Variants in ATXN7L1 observed in about 807,000 individuals in gnomAD.
ATXN7L1 encodes ataxin 7 like 1.
Under a neutral mutation model 70.8 loss-of-function variants are expected in ATXN7L1, and 15 were observed. The observed-to-expected ratio is 0.21, with a 90% CI of 0.14 to 0.33. ATXN7L1 has a LOEUF of 0.33. Ranked by LOEUF, ATXN7L1 falls within the 10% of genes least tolerant of loss-of-function variation. The pLI is 1.00. For missense variants in ATXN7L1, 975 were observed against 1,097.1 expected, an observed-to-expected ratio of 0.89 and a Z score of 1.57; for synonymous variants, 440 against 445.1, an observed-to-expected ratio of 0.99 and a Z score of 0.14.
At chr7:105,789,874 A>G (rs1445704536) in intron 2 of ATXN7L1, among the ~76,000 whole-genome samples, 2 of 152,174 alleles carry the variant, frequency 1.3e-5, no homozygotes, top group East Asian at 3.8e-4. Flanking sequence ...GGATGTTCAC[A>G]GCAGCATTAC....
intron 3 of ATXN7L1, among the ~76,000 whole-genome samples, chr7:105,695,256 C>T (rs566822870): frequency 5.1e-4 from 78 of 152,334 alleles, no homozygotes; most frequent in African/African-American, 1.8e-3. Context: ...CACTGCGCTC[C>T]AGCCTGGGTG....
chr7:105,609,252 C>T (rs1406917362), intron 11 of ATXN7L1, among the ~76,000 whole-genome samples: 5 of 151,162 alleles, frequency 3.3e-5, no homozygotes, highest in Non-Finnish European at 7.4e-5. Context: ...TCACTGCAAC[C>T]TCCATCTCCC....
chr7:105,694,470 G>T (rs376303009), intron 3 of ATXN7L1, among the ~76,000 whole-genome samples: 18 of 152,182 alleles, frequency 1.2e-4, no homozygotes, highest in African/African-American at 3.9e-4. Context: ...ATTTGATCCT[G>T]TGAGGTGGGA....
chr7:105,750,759 C>A (rs4730104), intron 3 of ATXN7L1, among the ~76,000 whole-genome samples: 36,346 of 151,942 alleles, frequency 0.24, 4,769 homozygotes, highest in African/African-American at 0.33. Context: ...GCCAAGATTG[C>A]GCCATTGGAC....
intron 3 of ATXN7L1, among the ~76,000 whole-genome samples, chr7:105,739,473 C>T (rs954236983): frequency 1.2e-4 from 19 of 152,240 alleles, no homozygotes; most frequent in Non-Finnish European, 2.2e-4. Context: ...GCCAGGGCAA[C>T]CACATTTTCA....
At chr7:105,659,643 G>C (rs1801263644) in intron 4 of ATXN7L1, among the ~76,000 whole-genome samples, 3 of 152,134 alleles carry the variant, frequency 2.0e-5, no homozygotes, top group African/African-American at 7.2e-5. Flanking sequence ...ATGCTGTGGA[G>C]ACACCGGGCT....
At chr7:105,735,874 T>C (rs1427854077) in intron 3 of ATXN7L1, among the ~76,000 whole-genome samples, 1 of 152,230 alleles carries the variant, frequency 6.6e-6, no homozygotes, top group Non-Finnish European at 1.5e-5. Flanking sequence ...CAAATCTATA[T>C]TAATCAAGCC....
chr7:105,713,290 A>G (rs79743670), intron 3 of ATXN7L1, among the ~76,000 whole-genome samples: 1 of 152,214 alleles, frequency 6.6e-6, no homozygotes, highest in African/African-American at 2.4e-5. Flanking sequence ...GGGCCTGGTG[A>G]TGATGATGCA....
At chr7:105,772,018 G>A (rs1042881788) in intron 3 of ATXN7L1, among the ~76,000 whole-genome samples, 3 of 144,064 alleles carry the variant, frequency 2.1e-5, no homozygotes, top group African/African-American at 7.7e-5. Context: ...TACAATAATT[G>A]TAAATGGATA....
rs147124309 is a variant in ATXN7L1, at chr7:105,684,704, C to T, written c.356-19416G>A. ...CAAATCTACCACCTGAAAACTCGAT[C>T]GGCCTGCCATCAATGCCAATCTTCT... On this transcript the variant is annotated intron_variant, in intron 3 of 11. Coordinates refer to ENST00000419735, the MANE Select transcript of ATXN7L1 (RefSeq NM_020725.2). Among the ~76,000 whole-genome samples the T allele has an allele frequency of 4.4e-4, 67 of 152,330 alleles. 1 individual carries two copies. In the South Asian group the frequency reaches 5.4e-3, roughly 12 times the overall value.
In ATXN7L1 at chr7:105,614,129, C is replaced by T. The variant is rs1214594044; in HGVS notation, c.2205G>A (p.Ala735=). Residue 735 remains alanine (A), a synonymous_variant, in exon 10 of 12, where the codon GCG becomes GCA. Coordinates refer to ENST00000419735, the MANE Select transcript of ATXN7L1 (RefSeq NM_020725.2). This position sits in a 1 kb window ranked among gnomAD's most constrained non-coding sequence, Gnocchi z 4.3. ...GACAGGAGTCACTGCTGCCTCCCAC[C>T]GCGCCCACCTGTCTCACTATGTCCG... ...GPADIVRQVG[A]VGGSSDSCPL... is the part of the protein sequence containing the mutation. 6.4e-6 allele frequency: 10 copies of T among 1,551,582 alleles called. No individual in the cohort carries two copies. Among genetic ancestry groups the T allele is most frequent in the East Asian group, 2.4e-5 (1 of 40,914 alleles).
chr7:105,772,164 C>G (rs929564199), intron 3 of ATXN7L1, among the ~76,000 whole-genome samples: 1 of 148,682 alleles, frequency 6.7e-6, no homozygotes. Flanking sequence ...ACCTCTGCCT[C>G]CAGGGTTCAA....
At chr7:105,684,083 A>C (rs1805876263) in intron 3 of ATXN7L1, among the ~76,000 whole-genome samples, 1 of 152,190 alleles carries the variant, frequency 6.6e-6, no homozygotes, top group African/African-American at 2.4e-5. Context: ...GCAGTGTGCC[A>C]GATAAGCGGT....
intron 3 of ATXN7L1, among the ~76,000 whole-genome samples, chr7:105,748,268 T>C (rs987408272): frequency 2.6e-5 from 4 of 152,194 alleles, no homozygotes; most frequent in Non-Finnish European, 1.5e-5. Flanking sequence ...TTAGTCTGCA[T>C]TTGTGACAAG....
In ATXN7L1 at chr7:105,608,877, A is replaced by G. The variant is rs146666435; in HGVS notation, c.2548-987T>C. Among the ~76,000 whole-genome samples the G allele has an allele frequency of 7.9e-5, 12 of 152,274 alleles. No homozygotes were observed. The South Asian group carries it at 2.1e-3, about 26-fold the overall frequency. On this transcript the variant is annotated intron_variant, in intron 11 of 11. Coordinates refer to ENST00000419735, the MANE Select transcript of ATXN7L1 (RefSeq NM_020725.2). ...CATGCGGTACATCTCAGGCAACATA[A>G]CAACACGGTTATATATACACGCACA...
chr7:105,631,389 C>T (rs1385498157), intron 7 of ATXN7L1, among the ~76,000 whole-genome samples: 1 of 152,148 alleles, frequency 6.6e-6, no homozygotes, highest in Non-Finnish European at 1.5e-5. Flanking sequence ...TAATACATGG[C>T]AAGTGGACCT....
At chr7:105,853,315 G>A (rs751561261) in intron 2 of ATXN7L1, among the ~76,000 whole-genome samples, 2 of 152,244 alleles carry the variant, frequency 1.3e-5, no homozygotes, top group African/African-American at 4.8e-5. Context: ...CTGGGAGGCC[G>A]AGGCGTGTAG....
intron 2 of ATXN7L1, among the ~76,000 whole-genome samples, chr7:105,844,934 G>A (rs1160957542): frequency 6.6e-6 from 1 of 152,178 alleles, no homozygotes; most frequent in African/African-American, 2.4e-5. Context: ...GCTGGGCAAG[G>A]TGACTTATGC....
chr7:105,705,610 C>G (rs1793058966), intron 3 of ATXN7L1, among the ~76,000 whole-genome samples: 1 of 152,152 alleles, frequency 6.6e-6, no homozygotes, highest in Non-Finnish European at 1.5e-5. Flanking sequence ...CACTCCGACA[C>G]CCTCCCCCCA....
Sources: gnomAD v4.1 joint callset for allele counts (sites outside exome capture counted in the v4.1 genomes callset) on GRCh38, gnomAD v4.1.1 for gene constraint, Gnocchi (gnomAD v3.1) non-coding constraint, MANE v1.5 for transcripts, NCBI Gene and HGNC (gene_info 2026-07-23, HGNC 2026-07-21) for gene names.